OR13A1: variants seen among roughly 807,000 people sequenced by gnomAD.
The protein encoded by OR13A1 is olfactory receptor family 13 subfamily A member 1, also known as olfactory receptor 13A1.
OR13A1 carries 10 observed loss-of-function variants against 7.5 expected under a neutral mutation model. The ratio of observed to expected loss-of-function variants is 1.34; its 90% CI spans 0.83 to 2.27. The LOEUF is 2.27. Ranked by LOEUF, OR13A1 falls within the 30% of genes most tolerant of loss-of-function variation. The pLI, the probability that OR13A1 is intolerant of heterozygous loss-of-function variation, is 0.00. For synonymous variants in OR13A1, 238 were observed against 177.9 expected (o/e 1.34, Z -2.69); for missense variants, 509 against 419.1 (o/e 1.21, Z -1.87).
chr10:45,310,259 T>C (rs917105153), intron 1 of OR13A1, among the ~76,000 whole-genome samples: 1 of 152,216 alleles, frequency 6.6e-6, no homozygotes, highest in Non-Finnish European at 1.5e-5. Context: ...TTTTTCTCTT[T>C]TGCTCAACAA....
At chr10:45,305,198 C>T (rs1312956273) in intron 3 of OR13A1, among the ~76,000 whole-genome samples, 1 of 151,772 alleles carries the variant, frequency 6.6e-6, no homozygotes, top group African/African-American at 2.4e-5. Flanking sequence ...CACGATGCTG[C>T]ACTCTAGCCT....
At chr10:45,315,174 T>A (rs375087644) in intron 1 of OR13A1, among the ~76,000 whole-genome samples, 1 of 151,948 alleles carries the variant, frequency 6.6e-6, no homozygotes. Context: ...TGTGGCAGGG[T>A]GTGCTGGCTC....
intron 1 of OR13A1, among the ~76,000 whole-genome samples, chr10:45,311,783 A>G (rs1191865218): frequency 6.6e-6 from 1 of 152,186 alleles, no homozygotes; most frequent in Non-Finnish European, 1.5e-5. Flanking sequence ...CTGTGACACG[A>G]GTTTACCTAC....
At position 45,303,839 on chromosome 10, in the gene OR13A1, A is replaced by C. The variant is rs761963736; in HGVS notation, c.584T>G (p.Phe195Cys). Residue 195 changes from phenylalanine (F) to cysteine (C), a missense_variant, in exon 4 of 4, where the codon TTC becomes TGC. Coordinates refer to ENST00000553795, the MANE Select transcript of OR13A1 (RefSeq NM_001004297.3). ...DFCGPNVIIHFFCEVPPLLLL... is the reference protein window; with the variant it reads ...DFCGPNVIIHCFCEVPPLLLL... ...CAGCAGGGGAGGGACCTCGCAGAAG[A>C]AATGGATAATGACATTGGGGCCACA... 3 of 1,612,758 alleles carry C rather than the reference A, an allele frequency of 1.9e-6. No individual in the cohort carries two copies. In the South Asian group the frequency reaches 3.3e-5, roughly 18 times the overall value.
intron 1 of OR13A1, among the ~76,000 whole-genome samples, chr10:45,315,120 T>C (rs1291226756): frequency 6.6e-6 from 1 of 152,208 alleles, no homozygotes; most frequent in Admixed American, 6.5e-5. Context: ...ATATTTGTGA[T>C]GATCAGGTTG....
In OR13A1 at chr10:45,313,007, G is replaced by A. The variant is rs141084447; in HGVS notation, c.-225+2517C>T. Reference sequence around the variant, plus strand: ...AGATAAATATATGGACATATATAGAGACTGTACTATGCAGTTTTGGTACAT... The same window carrying A: ...AGATAAATATATGGACATATATAGAAACTGTACTATGCAGTTTTGGTACAT... On this transcript the variant is annotated intron_variant, in intron 1 of 3. Transcript: ENST00000553795. Among the ~76,000 whole-genome samples, 55 of 152,154 alleles carry A rather than the reference G, an allele frequency of 3.6e-4. No homozygotes were observed. The East Asian group carries it at 9.6e-3, about 27-fold the overall frequency.
chr10:45,312,422 C>G (rs1484027287), intron 1 of OR13A1, among the ~76,000 whole-genome samples: 1 of 151,456 alleles, frequency 6.6e-6, no homozygotes, highest in Non-Finnish European at 1.5e-5. Flanking sequence ...TCAGTACAAG[C>G]AAGAAGACAG....
chr10:45,305,306 A>G (rs187627220), intron 3 of OR13A1, among the ~76,000 whole-genome samples: 1 of 152,052 alleles, frequency 6.6e-6, no homozygotes, highest in East Asian at 1.9e-4. Flanking sequence ...ATAGGATCTC[A>G]TTTTTAAAAA....
At chr10:45,306,665 C>T (rs573106317) in intron 3 of OR13A1, among the ~76,000 whole-genome samples, 12 of 152,116 alleles carry the variant, frequency 7.9e-5, no homozygotes, top group Non-Finnish European at 1.2e-4. Flanking sequence ...GGTCATATCA[C>T]CTTTTAATAA....
chr10:45,309,750 A>G (rs1040700868), intron 1 of OR13A1, among the ~76,000 whole-genome samples: 2 of 152,196 alleles, frequency 1.3e-5, no homozygotes, highest in Non-Finnish European at 2.9e-5. Flanking sequence ...TTAGTTAGCA[A>G]GCAGAGAGCT....
At chr10:45,311,322 G>A (rs1421115443) in intron 1 of OR13A1, among the ~76,000 whole-genome samples, 1 of 152,246 alleles carries the variant, frequency 6.6e-6, no homozygotes, top group South Asian at 2.1e-4. Flanking sequence ...AAATACCATT[G>A]TATCAGAGCT....
In OR13A1 at chr10:45,311,241, T is replaced by A. The variant is rs74128445; in HGVS notation, c.-224-3433A>T. 5.1e-3 allele frequency among the ~76,000 whole-genome samples: 775 copies of A among 152,358 alleles called. 7 individuals carry two copies. The highest frequency in any genetic ancestry group is 0.018 in the African/African-American group (739 of 41,584). On this transcript the variant is annotated intron_variant, in intron 1 of 3. Coordinates refer to ENST00000553795, the MANE Select transcript of OR13A1 (RefSeq NM_001004297.3). ...CCATAGCCTTGGGTGCATTTCATAT[T>A]TCTCAAGACATTCGCCTTCAACTTT...
intron 1 of OR13A1, among the ~76,000 whole-genome samples, chr10:45,310,106 T>G (rs1838413186): frequency 6.6e-6 from 1 of 152,204 alleles, no homozygotes; most frequent in Non-Finnish European, 1.5e-5. Context: ...CAGATTACCT[T>G]TATTTCAACA....
In OR13A1 at chr10:45,303,500, T is replaced by C; in HGVS notation, c.923A>G (p.Tyr308Cys). Residue 308 changes from tyrosine to cysteine, a missense_variant, in exon 4 of 4, where the codon TAT becomes TGT. Coordinates refer to ENST00000553795, the MANE Select transcript of OR13A1 (RefSeq NM_001004297.3). ...TTTGACCTCCTTGTTTCTCAAAGTA[T>C]AGATGAGGGGGTTGAGGGTAGGACT... ...VLSPTLNPLI[Y>C]TLRNKEVKAA... is the part of the protein sequence containing the mutation. 1.9e-6 allele frequency: 3 copies of C among 1,613,900 alleles called. No individual in the cohort carries two copies. The highest frequency in any genetic ancestry group is 1.3e-5 in the African/African-American group (1 of 75,002).
Position 45,304,183 on chromosome 10 carries a change from GAAA to G in OR13A1, c.237_239del (p.Phe80del). 3.1e-6 allele frequency: 5 copies of G among 1,614,258 alleles called. No homozygotes were observed. The highest frequency in any genetic ancestry group is 4.2e-6 in the Non-Finnish European group (5 of 1,180,046). ...TGTCCATAGTAGCCAAGTTGAGTAA[GAAA>G]AAGTACATAGGAGCGTGGAGCCCAG... On this transcript the variant is annotated inframe_deletion, in exon 4 of 4. Transcript: ENST00000553795.
At chr10:45,311,751 T>C (rs1840074233) in intron 1 of OR13A1, among the ~76,000 whole-genome samples, 1 of 142,768 alleles carries the variant, frequency 7.0e-6, no homozygotes, top group South Asian at 2.1e-4. Flanking sequence ...AGTACCTGAG[T>C]GATGAAATAA....
At chr10:45,302,514 T>A (rs767268285), downstream of OR13A1, 1 of 152,216 alleles carries the variant, frequency 6.6e-6, no homozygotes, top group Non-Finnish European at 1.5e-5. Flanking sequence ...AAATCAAATA[T>A]CAAACTCTAC....
Position 45,304,162 on chromosome 10 carries a change from C to A in OR13A1, c.261G>T (p.Met87Ile). The A allele has an allele frequency of 6.8e-6, 11 of 1,614,168 alleles. No individual in the cohort carries two copies. Among genetic ancestry groups the A allele is most frequent in the Non-Finnish European group, 9.3e-6 (11 of 1,180,036 alleles). ...MYFFLLNLAT[M>I]DIICTSSIMP... ...TGATGGAAGAGGTGCAGATAATGTC[C>A]ATAGTAGCCAAGTTGAGTAAGAAAA... Residue 87 changes from methionine (M) to isoleucine (I), a missense_variant, in exon 4 of 4, where the codon ATG becomes ATT. Transcript: ENST00000553795.
intron 1 of OR13A1, 61 bp from the exon 2 acceptor site, chr10:45,307,869 A>C (rs916085921): frequency 3.3e-5 from 5 of 152,232 alleles, no homozygotes; most frequent in African/African-American, 1.2e-4. Flanking sequence ...TAACAATAAT[A>C]GTCCTCAAAA....
Sources: gnomAD v4.1 joint callset for allele counts (sites outside exome capture counted in the v4.1 genomes callset) on GRCh38, gnomAD v4.1.1 for gene constraint, MANE v1.5 for transcripts, NCBI Gene and HGNC (gene_info 2026-07-23, HGNC 2026-07-21) for gene names.